The following TCF4 variants were observed in gnomAD, a reference collection of about 807,000 sequenced individuals.
The protein encoded by TCF4 is SL3-3 enhancer factor 2.
A neutral mutation model predicts 82.1 loss-of-function variants in TCF4; 3 were observed. That is an observed-to-expected ratio of 0.04 (90% CI 0.02 to 0.09). The LOEUF (loss-of-function observed/expected upper bound fraction) is 0.09. Ranked by LOEUF, TCF4 falls within the 10% of genes least tolerant of loss-of-function variation. The pLI is 1.00. For missense variants in TCF4, 518 were observed against 852.7 expected, an observed-to-expected ratio of 0.61 and a Z score of 4.89; for synonymous variants, 276 against 309.6, an observed-to-expected ratio of 0.89 and a Z score of 1.14.
At chr18:55,241,290 T>C (rs576835200) in intron 15 of TCF4, among the ~76,000 whole-genome samples, 21 of 152,344 alleles carry the variant, frequency 1.4e-4, no homozygotes, top group African/African-American at 4.3e-4. Context: ...CTCGACATCA[T>C]TTTCCTATAC....
chr18:55,354,822 A>C (rs1172936744), intron 6 of TCF4, among the ~76,000 whole-genome samples: 3 of 152,182 alleles, frequency 2.0e-5, no homozygotes, highest in Non-Finnish European at 2.9e-5. Flanking sequence ...GGAAACTGGA[A>C]GAGGGGAAAA....
intron 3 of TCF4, among the ~76,000 whole-genome samples, chr18:55,514,405 GCACACACACA>G (rs74182104): frequency 1.3e-4 from 17 of 130,286 alleles, no homozygotes; most frequent in East Asian, 6.2e-4. Context: ...ATCTATCCAT[GCACACACACA>G]CACACACACA....
chr18:55,531,395 G>A (rs1158026299), intron 3 of TCF4, among the ~76,000 whole-genome samples: 1 of 152,108 alleles, frequency 6.6e-6, no homozygotes, highest in African/African-American at 2.4e-5. Context: ...TATAAAGAAA[G>A]GATCGCTAAG....
At chr18:55,355,158 A>T (rs978617107) in intron 6 of TCF4, among the ~76,000 whole-genome samples, 2 of 152,196 alleles carry the variant, frequency 1.3e-5, no homozygotes, top group Non-Finnish European at 2.9e-5. Context: ...AGGATTTTTT[A>T]AAATGTTAAT....
At chr18:55,318,160 A>G (rs890887837) in intron 8 of TCF4, among the ~76,000 whole-genome samples, 1 of 152,110 alleles carries the variant, frequency 6.6e-6, no homozygotes, top group Non-Finnish European at 1.5e-5. Context: ...ATTTGCCATA[A>G]TTTTATCTTC....
chr18:55,325,069 G>A (rs2076323997), intron 8 of TCF4, among the ~76,000 whole-genome samples: 1 of 152,174 alleles, frequency 6.6e-6, no homozygotes. Context: ...CATTGGCATA[G>A]TATTACCTAC....
intron 5 of TCF4, among the ~76,000 whole-genome samples, chr18:55,451,513 A>G (rs2095623029): frequency 6.6e-6 from 1 of 152,216 alleles, no homozygotes; most frequent in Non-Finnish European, 1.5e-5. Context: ...ACCCTGTAAG[A>G]TGTGCACTGC....
In TCF4 at chr18:55,546,658, G is replaced by T. The variant is rs189073915; in HGVS notation, c.145+38622C>A. ...TTAACTTTTGAAAATCTACAAATGG[G>T]TTCCCCAAAATTAACCAGATGCACA... On this transcript the variant is annotated intron_variant, in intron 3 of 19. Coordinates refer to ENST00000354452, the MANE Select transcript of TCF4 (RefSeq NM_001083962.2). Among the ~76,000 whole-genome samples, 12 of 152,256 alleles carry T rather than the reference G, an allele frequency of 7.9e-5. No individual in the cohort carries two copies. In the East Asian group the frequency reaches 2.3e-3, roughly 29 times the overall value.
At position 55,425,017 on chromosome 18, in the gene TCF4, C is replaced by T. The variant is rs547508210; in HGVS notation, c.305-21499G>A. Among the ~76,000 whole-genome samples the T allele has an allele frequency of 1.5e-3, 230 of 152,290 alleles. 2 individuals are homozygous for T. The highest frequency in any genetic ancestry group is 5.2e-3 in the African/African-American group (216 of 41,560). On this transcript the variant is annotated intron_variant, in intron 5 of 19. Transcript: ENST00000354452. Reference sequence around the variant, plus strand: ...GATTTATGTCCCAAAATGCTCATGACATTTTAGGCATTACTGAAAATTTAC... The same window carrying T: ...GATTTATGTCCCAAAATGCTCATGATATTTTAGGCATTACTGAAAATTTAC...
At chr18:55,494,301 A>T (rs2096608026) in intron 3 of TCF4, among the ~76,000 whole-genome samples, 1 of 151,962 alleles carries the variant, frequency 6.6e-6, no homozygotes, top group African/African-American at 2.4e-5. Flanking sequence ...TTGAGAAAAA[A>T]AAAAAAAGAA....
chr18:55,397,654 T>C (rs1444632607), intron 6 of TCF4, among the ~76,000 whole-genome samples: 1 of 152,234 alleles, frequency 6.6e-6, no homozygotes, highest in Non-Finnish European at 1.5e-5. Context: ...AGAAAGCTAC[T>C]GAAGACATTT....
In TCF4 at chr18:55,400,208, A is replaced by C. The variant is rs935791492; in HGVS notation, c.369+3246T>G. ...GCCCATTAAGTTTTAGTTATTGGCT[A>C]TTATAGTATTAAGGTTGGACTAGCT... is the stretch of plus-strand genomic sequence containing the variant. On this transcript the variant is annotated intron_variant, in intron 6 of 19. Transcript: ENST00000354452. Among the ~76,000 whole-genome samples the C allele has an allele frequency of 9.9e-5, 15 of 152,246 alleles. No homozygotes were observed. In the South Asian group the frequency reaches 2.7e-3, roughly 27 times the overall value.
intron 2 of TCF4, among the ~76,000 whole-genome samples, chr18:55,586,720 C>T (rs1297342547): frequency 1.3e-5 from 2 of 151,956 alleles, no homozygotes; most frequent in African/African-American, 4.8e-5. Context: ...AGTGTTCAGA[C>T]ATGGCCAAGT....
At chr18:55,294,523 C>T (rs575393080) in intron 8 of TCF4, among the ~76,000 whole-genome samples, 20 of 152,264 alleles carry the variant, frequency 1.3e-4, no homozygotes, top group African/African-American at 4.8e-4. Flanking sequence ...ACATCATGCA[C>T]CCTTTTTCAG....
At chr18:55,347,266 G>A (rs2081378809) in intron 8 of TCF4, among the ~76,000 whole-genome samples, 1 of 152,018 alleles carries the variant, frequency 6.6e-6, no homozygotes. Context: ...GAACCGAGAA[G>A]ATAAAAATGT....
rs747719600 is a variant in TCF4, at chr18:55,345,753, G to A, written c.549+4606C>T. ...TCCTAAAAAGGATAGAGCCCAGATG[G>A]CTGATATTTCGTTCACTTGTGATCG... is the stretch of plus-strand genomic sequence containing the variant. On this transcript the variant is annotated intron_variant, in intron 8 of 19. Coordinates refer to ENST00000354452, the MANE Select transcript of TCF4 (RefSeq NM_001083962.2). Among the ~76,000 whole-genome samples the A allele has an allele frequency of 3.9e-5, 6 of 152,080 alleles. 1 individual carries two copies. The highest frequency in any genetic ancestry group is 8.8e-5 in the Non-Finnish European group (6 of 67,982).
chr18:55,265,738 T>C (rs2059019149), intron 11 of TCF4: 1 of 152,190 alleles, frequency 6.6e-6, no homozygotes, highest in Non-Finnish European at 1.5e-5. Context: ...AAGGACATAA[T>C]GTTTCTACTA....
intron 3 of TCF4, among the ~76,000 whole-genome samples, chr18:55,536,243 C>A (rs777956204): frequency 6.6e-6 from 1 of 152,124 alleles, no homozygotes; most frequent in African/African-American, 2.4e-5. Context: ...ATTAATAAAT[C>A]AATATTTTCC....
At chr18:55,361,057 A>G (rs1456984738) in intron 6 of TCF4, among the ~76,000 whole-genome samples, 1 of 152,200 alleles carries the variant, frequency 6.6e-6, no homozygotes, top group South Asian at 2.1e-4. Flanking sequence ...AAGCTACAGG[A>G]CATATTCTCA....
Sources: gnomAD v4.1 joint callset for allele counts (sites outside exome capture counted in the v4.1 genomes callset) on GRCh38, gnomAD v4.1.1 for gene constraint, MANE v1.5 for transcripts, NCBI Gene and HGNC (gene_info 2026-07-23, HGNC 2026-07-21) for gene names.